The following CSMD3 variants were observed in gnomAD, a reference collection of about 807,000 sequenced individuals.
The protein encoded by CSMD3 is CUB and sushi domain-containing protein 3.
A neutral mutation model predicts 435.2 loss-of-function variants in CSMD3; 177 were observed. The ratio of observed to expected loss-of-function variants is 0.41; its 90% CI spans 0.36 to 0.46. The LOEUF (loss-of-function observed/expected upper bound fraction) is 0.46. Ranked by LOEUF, CSMD3 falls within the 20% of genes least tolerant of loss-of-function variation. CSMD3 has a pLI of 0.34. For missense variants in CSMD3, 4,265 were observed against 4,504.6 expected (o/e 0.95, Z 1.52); for synonymous variants, 1,656 against 1,520.5 (o/e 1.09, Z -2.07).
At chr8:113,357,938 C>G in intron 1 of CSMD3, among the ~76,000 whole-genome samples, 1 of 152,244 alleles carries the variant, frequency 6.6e-6, no homozygotes, top group Non-Finnish European at 1.5e-5. Flanking sequence ...GAACTGTGAG[C>G]CAATTAAACC....
intron 30 of CSMD3, among the ~76,000 whole-genome samples, chr8:112,497,387 T>C (rs1187969025): frequency 6.6e-6 from 1 of 151,688 alleles, no homozygotes; most frequent in African/African-American, 2.4e-5. Context: ...CATAAATAAA[T>C]GATAAATGCT....
At chr8:112,728,560 C>CA (rs2077012440) in intron 13 of CSMD3, among the ~76,000 whole-genome samples, 1 of 151,930 alleles carries the variant, frequency 6.6e-6, no homozygotes, top group Admixed American at 6.6e-5. Context: ...AAAAATGTGT[C>CA]ACAAGTAAAG....
chr8:112,345,416 A>G (rs1212937017), intron 41 of CSMD3, among the ~76,000 whole-genome samples: 1 of 152,184 alleles, frequency 6.6e-6, no homozygotes, highest in African/African-American at 2.4e-5. Context: ...CATAAAAAAA[A>G]CAAGGGAATT....
intron 3 of CSMD3, among the ~76,000 whole-genome samples, chr8:113,244,608 C>CATTAA (rs1439715493): frequency 1.3e-5 from 2 of 152,158 alleles, no homozygotes; most frequent in African/African-American, 4.8e-5. Context: ...GCCACCGCGC[C>CATTAA]TGGCCTACAT....
intron 5 of CSMD3, among the ~76,000 whole-genome samples, chr8:113,019,956 G>A (rs1012074633): frequency 2.0e-5 from 3 of 151,578 alleles, no homozygotes; most frequent in Admixed American, 2.0e-4. Context: ...GAGGTCAGGA[G>A]ATCGAGACCA....
At chr8:112,516,973 T>A in intron 28 of CSMD3, 61 bp downstream of exon 28, 1 of 1,276,636 alleles carries the variant, frequency 7.8e-7, no homozygotes, top group Non-Finnish European at 1.1e-6. Context: ...TTAAGAACAA[T>A]ACCAGTTTTT....
chr8:113,068,757 A>G (rs1448491101), intron 5 of CSMD3, among the ~76,000 whole-genome samples: 1 of 151,890 alleles, frequency 6.6e-6, no homozygotes, highest in African/African-American at 2.4e-5. Flanking sequence ...TTGACTGTTG[A>G]TGTTCTTGCT....
At chr8:112,953,463 T>C (rs1420583859) in intron 8 of CSMD3, among the ~76,000 whole-genome samples, 1 of 151,408 alleles carries the variant, frequency 6.6e-6, no homozygotes, top group Non-Finnish European at 1.5e-5. Flanking sequence ...CATGAAGAAA[T>C]ATTAATTATA....
intron 45 of CSMD3, among the ~76,000 whole-genome samples, chr8:112,329,261 G>A (rs1323006859): frequency 6.6e-6 from 1 of 152,012 alleles, no homozygotes; most frequent in East Asian, 1.9e-4. Flanking sequence ...CAGAAGACAA[G>A]GTAATTCTTT....
At chr8:112,870,505 T>C (rs995096347) in intron 10 of CSMD3, among the ~76,000 whole-genome samples, 1 of 151,926 alleles carries the variant, frequency 6.6e-6, no homozygotes, top group Admixed American at 6.6e-5. Context: ...CTCGATCTTC[T>C]GACCTTGTGA....
intron 13 of CSMD3, among the ~76,000 whole-genome samples, chr8:112,707,010 T>C (rs943532996): frequency 1.3e-5 from 2 of 152,078 alleles, no homozygotes; most frequent in African/African-American, 2.4e-5. Context: ...GGAATATAGA[T>C]TTTTGTCTAA....
chr8:113,219,863 A>G (rs549710653), intron 3 of CSMD3, among the ~76,000 whole-genome samples: 40 of 151,612 alleles, frequency 2.6e-4, no homozygotes, highest in African/African-American at 9.4e-4. Flanking sequence ...ACAGTCTGGA[A>G]AAATGTTTGA....
chr8:112,743,689 T>C (rs575740122), intron 13 of CSMD3, among the ~76,000 whole-genome samples: 17 of 152,160 alleles, frequency 1.1e-4, no homozygotes, highest in African/African-American at 3.6e-4. Context: ...TGAAATTTCA[T>C]TTAACATTTA....
intron 27 of CSMD3, among the ~76,000 whole-genome samples, chr8:112,538,115 T>TAA (rs572494481): frequency 3.7e-4 from 56 of 150,124 alleles, no homozygotes; most frequent in African/African-American, 1.3e-3. Context: ...CAACAAATGC[T>TAA]AAAAAAAAAG....
chr8:112,463,279 T>C (rs1213721676), intron 32 of CSMD3, among the ~76,000 whole-genome samples: 1 of 152,138 alleles, frequency 6.6e-6, no homozygotes, highest in Non-Finnish European at 1.5e-5. Context: ...AGAGAATCAC[T>C]TGAACCCAAG....
intron 3 of CSMD3, among the ~76,000 whole-genome samples, chr8:113,236,736 AC>A (rs2132220905): frequency 6.6e-6 from 1 of 152,218 alleles, no homozygotes; most frequent in East Asian, 1.9e-4. Context: ...CAGCTTGCAG[AC>A]AGCCTGTTGT....
chr8:112,953,698 A>T (rs769891066), intron 8 of CSMD3, among the ~76,000 whole-genome samples: 1 of 151,496 alleles, frequency 6.6e-6, no homozygotes, highest in Non-Finnish European at 1.5e-5. Flanking sequence ...TTTGTCAATT[A>T]CTGTTTATAT....
chr8:113,402,630 T>G (rs1171494261), intron 1 of CSMD3, among the ~76,000 whole-genome samples: 1 of 151,312 alleles, frequency 6.6e-6, no homozygotes, highest in Non-Finnish European at 1.5e-5. Context: ...ATTATTATTC[T>G]CAATATTGTC....
chr8:113,295,269 T>A (rs1372423036), intron 2 of CSMD3, among the ~76,000 whole-genome samples: 1 of 152,178 alleles, frequency 6.6e-6, no homozygotes, highest in Non-Finnish European at 1.5e-5. Context: ...GGTTAAGTGG[T>A]TTGCTCAATC....
Sources: gnomAD v4.1 joint callset for allele counts (sites outside exome capture counted in the v4.1 genomes callset) on GRCh38, gnomAD v4.1.1 for gene constraint, MANE v1.5 for transcripts, NCBI Gene and HGNC (gene_info 2026-07-23, HGNC 2026-07-21) for gene names.